Variants in PCDHGA1 observed in about 807,000 individuals in gnomAD.
PCDHGA1 encodes the protein protocadherin gamma-A1.
PCDHGA1 carries 32 observed loss-of-function variants against 58.0 expected under a neutral mutation model. The observed-to-expected ratio is 0.55, with a 90% confidence interval of 0.42 to 0.74. PCDHGA1 has a LOEUF of 0.74. Among genes scored for constraint, PCDHGA1 ranks in the 30% least tolerant of loss-of-function variants. The probability of loss-of-function intolerance (pLI) is 0.00; values close to 1 mark genes in which losing one functional copy is unlikely to be tolerated. For synonymous variants in PCDHGA1, 498 were observed against 501.1 expected (o/e 0.99, Z 0.08); for missense variants, 1,205 against 1,182.3 (o/e 1.02, Z -0.28).
intron 2 of PCDHGA1, among the ~76,000 whole-genome samples, chr5:141,503,614 A>G (rs1595875970): frequency 6.6e-6 from 1 of 151,640 alleles, no homozygotes; most frequent in South Asian, 2.1e-4. Flanking sequence ...AAAAAAAAAA[A>G]GAAAAAAGAA....
chr5:141,344,083 G>T lies in PCDHGA1; in HGVS notation c.2421+10978G>T, dbSNP rs1231019668. ...AATGGCAGAGGACTGGCCCTGCTGT[G>T]CGCGCTCCTGGGGACGCTGTGCGAA... On this transcript the variant is annotated intron_variant, in intron 1 of 3. Transcript: ENST00000517417. 9 of 1,611,398 alleles carry T rather than the reference G, an allele frequency of 5.6e-6. No homozygotes were observed. In the South Asian group the frequency reaches 6.6e-5, roughly 12 times the overall value.
At chr5:141,458,615 G>A (rs2098949624) in intron 1 of PCDHGA1, among the ~76,000 whole-genome samples, 1 of 152,088 alleles carries the variant, frequency 6.6e-6, no homozygotes, top group Admixed American at 6.6e-5. Flanking sequence ...TGTCAGCCAG[G>A]CTGGAGTGCA....
In PCDHGA1 at chr5:141,476,966, G is replaced by C. The variant is rs780645226; in HGVS notation, c.2422-17841G>C. The C allele has an allele frequency of 1.2e-6, 2 of 1,614,152 alleles. No homozygotes were observed. Among genetic ancestry groups the C allele is most frequent in the Non-Finnish European group, 1.7e-6 (2 of 1,180,032 alleles). On this transcript the variant is annotated intron_variant, in intron 1 of 3. Coordinates refer to ENST00000517417, the MANE Select transcript of PCDHGA1 (RefSeq NM_018912.3). This position sits in a 1 kb window ranked among gnomAD's most constrained non-coding sequence, Gnocchi z 7.6. ...CAACGGTGAAATTATTTACTCCTTCGGCAGCCACAACCGCGCCGGCGTGCG... is the reference window on the plus strand; with the variant it reads ...CAACGGTGAAATTATTTACTCCTTCCGCAGCCACAACCGCGCCGGCGTGCG...
In PCDHGA1 at chr5:141,510,983, C is replaced by T; in HGVS notation, c.2606C>T (p.Ala869Val). The change falls in exon 4 of 4, where the codon GCC becomes GTC. Residue 869 changes from alanine to valine, a missense_variant. Transcript: ENST00000517417. The stretch of plus-strand genomic sequence containing the variant: ...GGGAGCTCCACCCTGGGAGGGGGTG[C>T]CGGCACCATGGGATTGAGCGCCCGC... ...ADGSSTLGGG[A>V]GTMGLSARYG... The T allele has an allele frequency of 6.2e-7, 1 of 1,614,162 alleles. No homozygotes were observed. The highest frequency in any genetic ancestry group is 8.5e-7 in the Non-Finnish European group (1 of 1,180,012).
chr5:141,372,253 G>A (rs1768545048), intron 1 of PCDHGA1: 2 of 1,613,040 alleles, frequency 1.2e-6, no homozygotes, highest in African/African-American at 2.7e-5. Flanking sequence ...TTCAGCCTGG[G>A]CCTGCGCACG....
chr5:141,422,061 A>G (rs1215523341), intron 1 of PCDHGA1: 3 of 1,612,074 alleles, frequency 1.9e-6, no homozygotes, highest in Non-Finnish European at 2.5e-6. Flanking sequence ...ACGGGGAAGT[A>G]ATGTATTCAT....
intron 1 of PCDHGA1, chr5:141,394,749 G>C (rs1270810324): frequency 1.2e-6 from 2 of 1,613,424 alleles, no homozygotes; most frequent in Admixed American, 1.7e-5. Context: ...CGTGGTGGCC[G>C]TCCAGGACCA....
chr5:141,364,618 C>A (rs373148081), intron 1 of PCDHGA1: 2 of 1,614,140 alleles, frequency 1.2e-6, no homozygotes, highest in South Asian at 1.1e-5. Flanking sequence ...AGGAGCTCTG[C>A]GCTCAGAGCC....
chr5:141,474,970 A>G (rs1309289477), intron 1 of PCDHGA1, among the ~76,000 whole-genome samples: 4 of 152,212 alleles, frequency 2.6e-5, no homozygotes, highest in African/African-American at 9.6e-5. Context: ...TAATCATTAT[A>G]ATTTTGTTTG....
At position 141,399,541 on chromosome 5, in the gene PCDHGA1, G is replaced by T. The variant is rs1301909841; in HGVS notation, c.2421+66436G>T. Reference sequence around the variant, plus strand: ...TGGGGCCTCCATCGCGCAAGTCTGCGCCTCGGACCTGGACTTGGGGTTGAA... The same window carrying T: ...TGGGGCCTCCATCGCGCAAGTCTGCTCCTCGGACCTGGACTTGGGGTTGAA... On this transcript the variant is annotated intron_variant, in intron 1 of 3. Transcript: ENST00000517417. 1.9e-6 allele frequency: 3 copies of T among 1,613,926 alleles called. No individual in the cohort carries two copies. In the Admixed American group the frequency reaches 5.0e-5, roughly 27 times the overall value.
rs2099745754 is a variant in PCDHGA1 at position 141,493,023 on chromosome 5, T to A, written c.2422-1784T>A. Among the ~76,000 whole-genome samples the A allele has an allele frequency of 6.6e-6, 1 of 152,190 alleles. No individual in the cohort carries two copies. The highest frequency in any genetic ancestry group is 2.4e-5 in the African/African-American group (1 of 41,450). On this transcript the variant is annotated intron_variant, in intron 1 of 3. Coordinates refer to ENST00000517417, the MANE Select transcript of PCDHGA1 (RefSeq NM_018912.3). The surrounding 1 kb of genome is among the most constrained non-coding windows in gnomAD (Gnocchi z 4.3). ...CTATAGGCTCTGCCAGATGCCAGGGTGCCCTTATGTGTGAGGAAACTACAA... is the reference window on the plus strand; with the variant it reads ...CTATAGGCTCTGCCAGATGCCAGGGAGCCCTTATGTGTGAGGAAACTACAA...
rs114387256 is a variant in PCDHGA1, at chr5:141,358,315, T to G, written c.2421+25210T>G. On this transcript the variant is annotated intron_variant, in intron 1 of 3. Coordinates refer to ENST00000517417, the MANE Select transcript of PCDHGA1 (RefSeq NM_018912.3). The stretch of plus-strand genomic sequence containing the variant: ...TGTAAATTCACATTTACAATATTCT[T>G]TCTCATGAAGCTATTGTTGGATCTG... Among the ~76,000 whole-genome samples, 874 of 152,340 alleles carry G rather than the reference T, an allele frequency of 5.7e-3. 6 individuals carry two copies. The highest frequency in any genetic ancestry group is 0.02 in the African/African-American group (833 of 41,578).
intron 1 of PCDHGA1, chr5:141,356,982 G>A: frequency 3.7e-6 from 6 of 1,614,238 alleles, no homozygotes; most frequent in Non-Finnish European, 5.1e-6. Flanking sequence ...TGGTGGCAGT[G>A]GACAGAGACT....
At chr5:141,370,675 A>G (rs567328067) in intron 1 of PCDHGA1, 2 of 1,613,844 alleles carry the variant, frequency 1.2e-6, no homozygotes, top group African/African-American at 2.7e-5. Flanking sequence ...GACCGAGAGG[A>G]GATTTGTGGC....
At position 141,491,692 on chromosome 5, in the gene PCDHGA1, C is replaced by A. The variant is rs749349869; in HGVS notation, c.2422-3115C>A. The A allele has an allele frequency of 6.2e-7, 1 of 1,612,592 alleles. No homozygotes were observed. Among genetic ancestry groups the A allele is most frequent in the Non-Finnish European group, 8.5e-7 (1 of 1,179,338 alleles). On this transcript the variant is annotated intron_variant, in intron 1 of 3. Coordinates refer to ENST00000517417, the MANE Select transcript of PCDHGA1 (RefSeq NM_018912.3). This position sits in a 1 kb window ranked among gnomAD's most constrained non-coding sequence, Gnocchi z 6.9. ...GTCCCGCTCTAATACGCTGCGGGAG[C>A]GGAGCCAGGTGAGGGGCTCGGCGCC...
chr5:141,505,618 A>G, intron 3 of PCDHGA1, 137 bp downstream of exon 3: 6 of 1,496,136 alleles, frequency 4.0e-6, no homozygotes, highest in Non-Finnish European at 5.4e-6. Flanking sequence ...GAAAGGACCC[A>G]CAATTCCAAA....
At chr5:141,370,175 T>C in intron 1 of PCDHGA1, 1 of 463,044 alleles carries the variant, frequency 2.2e-6, no homozygotes, top group East Asian at 3.2e-5. Context: ...AGGCGCCGGG[T>C]GCCGCTCTTG....
chr5:141,447,164 G>T (rs2098528799), intron 1 of PCDHGA1, among the ~76,000 whole-genome samples: 1 of 151,766 alleles, frequency 6.6e-6, no homozygotes, highest in South Asian at 2.1e-4. Context: ...GTTTAAGCGG[G>T]GTCTTGCTCT....
Position 141,332,314 on chromosome 5 carries a change from A to G in PCDHGA1, c.1630A>G (p.Ser544Gly). ...GGACAGTGGGGATCCGCCCCTCAGC[A>G]GCAACGTGTCTCTCAGCCTATTCCT... The part of the protein sequence containing the change: ...ARDSGDPPLS[S>G]NVSLSLFLLD... The change falls in exon 1 of 4, where the codon AGC becomes GGC. Residue 544 changes from serine to glycine, a missense_variant. Transcript: ENST00000517417. This position sits in a 1 kb window ranked among gnomAD's most constrained non-coding sequence, Gnocchi z 4.6. 6.2e-7 allele frequency: 1 copy of G among 1,614,204 alleles called. No homozygotes were observed. Among genetic ancestry groups the G allele is most frequent in the South Asian group, 1.1e-5 (1 of 91,082 alleles).
Sources: gnomAD v4.1 joint callset for allele counts (sites outside exome capture counted in the v4.1 genomes callset) on GRCh38, gnomAD v4.1.1 for gene constraint, Gnocchi (gnomAD v3.1) non-coding constraint, MANE v1.5 for transcripts, NCBI Gene and HGNC (gene_info 2026-07-23, HGNC 2026-07-21) for gene names.